STXBP5L: variants seen among roughly 807,000 people sequenced by gnomAD.
STXBP5L encodes the protein syntaxin binding protein 5L.
STXBP5L carries 65 observed loss-of-function variants against 144.5 expected under a neutral mutation model. The ratio of observed to expected loss-of-function variants is 0.45; its 90% confidence interval spans 0.37 to 0.55. The LOEUF is 0.55. STXBP5L is among the 20% of genes least tolerant of loss of function. The pLI, the probability that STXBP5L is intolerant of heterozygous loss-of-function variation, is 0.00. For missense variants in STXBP5L, 1,298 were observed against 1,405.5 expected (o/e 0.92, Z 1.22); for synonymous variants, 505 against 469.6 (o/e 1.08, Z -0.97).
At chr3:121,340,855 G>A (rs1268888885) in intron 20 of STXBP5L, among the ~76,000 whole-genome samples, 4 of 151,846 alleles carry the variant, frequency 2.6e-5, no homozygotes, top group African/African-American at 4.8e-5. Flanking sequence ...TAAAAAGCAG[G>A]GAGACAAAGT....
intron 3 of STXBP5L, among the ~76,000 whole-genome samples, chr3:121,031,847 A>G (rs1035445171): frequency 2.6e-5 from 4 of 152,104 alleles, no homozygotes; most frequent in African/African-American, 9.7e-5. Context: ...TCAAAGTAGA[A>G]TTGACTAACA....
At chr3:121,405,740 T>C (rs1032419673) in intron 22 of STXBP5L, among the ~76,000 whole-genome samples, 1 of 152,106 alleles carries the variant, frequency 6.6e-6, no homozygotes, top group Admixed American at 6.6e-5. Context: ...TTCTAAACGA[T>C]TAATAATACA....
chr3:121,070,535 C>T (rs1205415736), intron 5 of STXBP5L, among the ~76,000 whole-genome samples: 1 of 152,024 alleles, frequency 6.6e-6, no homozygotes, highest in Non-Finnish European at 1.5e-5. Flanking sequence ...TTATTTCCTT[C>T]TTCATTCCTC....
intron 9 of STXBP5L, among the ~76,000 whole-genome samples, chr3:121,188,948 G>A (rs777048511): frequency 6.6e-6 from 1 of 152,190 alleles, no homozygotes; most frequent in East Asian, 1.9e-4. Context: ...AGTTTTGAAA[G>A]TTCTGGCCAG....
rs577985324 is a variant in STXBP5L at position 120,952,097 on chromosome 3, T to A, written c.190-2843T>A. 9.3e-4 allele frequency among the ~76,000 whole-genome samples: 139 copies of A among 150,146 alleles called. 1 individual carries two copies. The highest frequency in any genetic ancestry group is 3.2e-3 in the African/African-American group (129 of 40,626). On this transcript the variant is annotated intron_variant, in intron 2 of 26. Coordinates refer to ENST00000471454, the MANE Select transcript of STXBP5L (RefSeq NM_001308330.2). ...GCATATTCTCACTCATAGGTGGGAA[T>A]TGAACAATGAGAACACATGGATACA...
intron 24 of STXBP5L, 59 bp from the exon 25 acceptor site, chr3:121,415,798 T>C: frequency 8.3e-7 from 1 of 1,202,464 alleles, no homozygotes; most frequent in Non-Finnish European, 1.2e-6. Context: ...GTGTTACCTT[T>C]TTGTATATTA....
chr3:120,978,637 CCA>C (rs1433270474), intron 3 of STXBP5L, among the ~76,000 whole-genome samples: 1 of 150,744 alleles, frequency 6.6e-6, no homozygotes, highest in African/African-American at 2.4e-5. Flanking sequence ...TTTAGAGTTT[CCA>C]GTTTTTCTGC....
At chr3:120,978,097 G>A (rs1033983019) in intron 3 of STXBP5L, among the ~76,000 whole-genome samples, 2 of 152,192 alleles carry the variant, frequency 1.3e-5, no homozygotes, top group African/African-American at 4.8e-5. Flanking sequence ...GGCCTGCCTT[G>A]CTAGATTGGG....
chr3:121,144,708 G>A (rs1174519573), intron 7 of STXBP5L, among the ~76,000 whole-genome samples: 1 of 151,922 alleles, frequency 6.6e-6, no homozygotes, highest in Non-Finnish European at 1.5e-5. Flanking sequence ...TGGCCTAAAT[G>A]GCCATTGGCA....
chr3:121,279,936 A>G lies in STXBP5L; in HGVS notation c.2090A>G (p.Lys697Arg). ...LYQRQPRSPRKNKQFIAGLTE... is the reference protein window; with the variant it reads ...LYQRQPRSPRRNKQFIAGLTE... ...CAGCGACAACCACGGTCTCCTCGAA[A>G]AAACAAACAGTTCATTGCAGGTAGG... Residue 697 changes from lysine to arginine, a missense_variant, in exon 19 of 27, where the codon AAA (lysine) becomes AGA (arginine). Lys to Arg is a conservative substitution (Grantham distance 26). Coordinates refer to ENST00000471454, the MANE Select transcript of STXBP5L (RefSeq NM_001308330.2). 6.2e-7 allele frequency: 1 copy of G among 1,612,238 alleles called. No homozygotes were observed. Among genetic ancestry groups the G allele is most frequent in the Non-Finnish European group, 8.5e-7 (1 of 1,178,716 alleles).
At chr3:121,036,972 G>A (rs1424435156) in intron 3 of STXBP5L, among the ~76,000 whole-genome samples, 1 of 151,590 alleles carries the variant, frequency 6.6e-6, no homozygotes, top group African/African-American at 2.4e-5. Flanking sequence ...TGTCACCCAG[G>A]CTTGAGTTCA....
chr3:121,234,843 G>A (rs558127841), intron 12 of STXBP5L, among the ~76,000 whole-genome samples: 3 of 151,946 alleles, frequency 2.0e-5, no homozygotes, highest in Non-Finnish European at 4.4e-5. Context: ...GTTCTAATAT[G>A]AGTCTTATTA....
At chr3:120,958,185 A>G (rs535945659) in intron 3 of STXBP5L, among the ~76,000 whole-genome samples, 4 of 152,332 alleles carry the variant, frequency 2.6e-5, no homozygotes, top group South Asian at 2.1e-4. Flanking sequence ...CTGGACACAT[A>G]CACCCTCCCA....
intron 3 of STXBP5L, among the ~76,000 whole-genome samples, chr3:120,974,702 C>T (rs938682997): frequency 6.6e-6 from 1 of 152,134 alleles, no homozygotes; most frequent in African/African-American, 2.4e-5. Flanking sequence ...TTTAATCCAT[C>T]TTGAATTAAT....
chr3:121,328,614 G>A (rs1046730013), intron 20 of STXBP5L, among the ~76,000 whole-genome samples: 4 of 152,120 alleles, frequency 2.6e-5, no homozygotes, highest in African/African-American at 9.7e-5. Flanking sequence ...GCCGGGCATG[G>A]TGGCATGCGC....
chr3:121,013,067 T>G (rs1300506380), intron 3 of STXBP5L, among the ~76,000 whole-genome samples: 7 of 152,108 alleles, frequency 4.6e-5, no homozygotes, highest in Admixed American at 2.6e-4. Context: ...ATGGTGTATA[T>G]GTACCACATT....
intron 20 of STXBP5L, among the ~76,000 whole-genome samples, chr3:121,361,331 T>C (rs763510405): frequency 9.2e-5 from 14 of 152,162 alleles, no homozygotes; most frequent in Non-Finnish European, 1.9e-4. Flanking sequence ...TTAATATCTT[T>C]CTCTAGGTTT....
At chr3:121,063,487 TGAG>T (rs759447226) in intron 5 of STXBP5L, among the ~76,000 whole-genome samples, 9 of 152,184 alleles carry the variant, frequency 5.9e-5, no homozygotes, top group Non-Finnish European at 1.0e-4. Flanking sequence ...GGTACCCACT[TGAG>T]GAGGCAGTCT....
At chr3:121,054,143 G>T (rs1299798257) in intron 5 of STXBP5L, among the ~76,000 whole-genome samples, 3 of 152,156 alleles carry the variant, frequency 2.0e-5, no homozygotes, top group African/African-American at 7.2e-5. Flanking sequence ...ACGGTTGGTG[G>T]GACTGTAATC....
Sources: allele counts gnomAD v4.1 joint callset (sites outside exome capture counted in the v4.1 genomes callset), GRCh38; gene constraint gnomAD v4.1.1; transcripts MANE v1.5; gene names NCBI Gene and HGNC (gene_info 2026-07-23, HGNC 2026-07-21).